ANK3: variants seen among roughly 807,000 people sequenced by gnomAD.
The protein encoded by ANK3 is ankyrin 3, also known as ankyrin-3.
A neutral mutation model predicts 370.9 loss-of-function variants in ANK3; 57 were observed. The observed-to-expected ratio is 0.15, with a 90% CI of 0.12 to 0.19. ANK3 has a LOEUF of 0.19. Ranked by LOEUF, ANK3 falls within the 10% of genes least tolerant of loss-of-function variation. ANK3 has a pLI of 1.00. For synonymous variants in ANK3, 1,929 were observed against 1,946.3 expected, an observed-to-expected ratio of 0.99 and a Z score of 0.23; for missense variants, 4,439 against 5,302.1, an observed-to-expected ratio of 0.84 and a Z score of 5.06.
intron 2 of ANK3, among the ~76,000 whole-genome samples, chr10:60,485,150 G>A (rs1007538094): frequency 5.3e-5 from 8 of 152,122 alleles, no homozygotes; most frequent in Non-Finnish European, 1.0e-4. Flanking sequence ...CTCAACACTC[G>A]AGTCGGTTTC....
chr10:60,192,189 G>T (rs1165087382), intron 16 of ANK3, among the ~76,000 whole-genome samples: 1 of 152,028 alleles, frequency 6.6e-6, no homozygotes, highest in African/African-American at 2.4e-5. Context: ...ACCGCACCCG[G>T]CCTATTTTAT....
intron 2 of ANK3, among the ~76,000 whole-genome samples, chr10:60,561,418 C>A (rs1420709749): frequency 6.6e-6 from 1 of 152,112 alleles, no homozygotes; most frequent in Admixed American, 6.5e-5. Flanking sequence ...TGGTTTCCTG[C>A]AAGAAGTTTT....
At chr10:60,319,007 G>A (rs2048056937) in intron 1 of ANK3, among the ~76,000 whole-genome samples, 1 of 152,164 alleles carries the variant, frequency 6.6e-6, no homozygotes, top group African/African-American at 2.4e-5. Context: ...CTAATCAGCA[G>A]CGCCTTGCAG....
chr10:60,073,341 T>C lies in ANK3; in HGVS notation c.7540A>G (p.Ile2514Val), dbSNP rs772233864. The change falls in exon 37 of 44, where the codon ATT becomes GTT. Residue 2514 changes from isoleucine to valine, a missense_variant. Transcript: ENST00000280772. ...ACATCTTTATAGATTTTGGAGAGAA[T>C]TTCTTTTTTGGGGGCAGTGGCTATT... is the stretch of plus-strand genomic sequence containing the variant. ...EKIATAPKKE[I>V]LSKIYKDVSE... The C allele has an allele frequency of 9.3e-6, 15 of 1,613,870 alleles. No individual in the cohort carries two copies. The highest frequency in any genetic ancestry group is 1.3e-5 in the Non-Finnish European group (15 of 1,180,010).
intron 1 of ANK3, among the ~76,000 whole-genome samples, chr10:60,715,741 T>C (rs923796754): frequency 1.3e-5 from 2 of 152,250 alleles, no homozygotes; most frequent in Admixed American, 6.5e-5. Flanking sequence ...TTTGCAACTC[T>C]ATTCTACCAT....
At chr10:60,139,787 T>C (rs2094489338) in intron 23 of ANK3, 1 of 153,552 alleles carries the variant, frequency 6.5e-6, no homozygotes. Flanking sequence ...TCTTTAATTA[T>C]CAAGACAAAG....
intron 2 of ANK3, among the ~76,000 whole-genome samples, chr10:60,507,167 C>A (rs2075962067): frequency 1.3e-5 from 2 of 151,972 alleles, no homozygotes; most frequent in Admixed American, 1.3e-4. Flanking sequence ...TATTATGTAT[C>A]AATTTTTCTA....
At chr10:60,405,332 A>G (rs188807958) in intron 2 of ANK3, among the ~76,000 whole-genome samples, 263 of 152,316 alleles carry the variant, frequency 1.7e-3, no homozygotes, top group Non-Finnish European at 1.6e-3. Context: ...AATCTTAAAG[A>G]AGGAAAAAAC....
intron 2 of ANK3, among the ~76,000 whole-genome samples, chr10:60,534,238 G>A (rs2076672518): frequency 2.0e-5 from 3 of 152,230 alleles, no homozygotes; most frequent in South Asian, 4.1e-4. Flanking sequence ...AAATAATATA[G>A]GACAGTCAGA....
chr10:60,372,190 C>T (rs530304367), intron 1 of ANK3, among the ~76,000 whole-genome samples: 6 of 152,246 alleles, frequency 3.9e-5, no homozygotes, highest in African/African-American at 1.4e-4. Flanking sequence ...TTATGTGAAA[C>T]AGAAACAAAG....
chr10:60,086,258 C>G (rs575100534), intron 30 of ANK3, among the ~76,000 whole-genome samples: 1 of 152,216 alleles, frequency 6.6e-6, no homozygotes, highest in East Asian at 1.9e-4. Context: ...TACTAGTGCT[C>G]TGTGGGACAT....
At chr10:60,552,906 G>A (rs1349531764) in intron 2 of ANK3, among the ~76,000 whole-genome samples, 1 of 152,144 alleles carries the variant, frequency 6.6e-6, no homozygotes, top group East Asian at 1.9e-4. Flanking sequence ...TTTAAAAATG[G>A]GAGTTTCTCT....
chr10:60,370,340 T>C (rs989530538), intron 1 of ANK3, among the ~76,000 whole-genome samples: 1 of 152,218 alleles, frequency 6.6e-6, no homozygotes, highest in Non-Finnish European at 1.5e-5. Flanking sequence ...TATTACAGCA[T>C]GTGAAAAAGA....
chr10:60,633,690 TA>T (rs2078514694), intron 1 of ANK3, among the ~76,000 whole-genome samples: 1 of 152,118 alleles, frequency 6.6e-6, no homozygotes, highest in Admixed American at 6.5e-5. Flanking sequence ...TGGGTAAGGG[TA>T]TTCCACCTCT....
At chr10:60,477,038 A>T (rs1426830585) in intron 2 of ANK3, among the ~76,000 whole-genome samples, 1 of 152,140 alleles carries the variant, frequency 6.6e-6, no homozygotes, top group East Asian at 1.9e-4. Context: ...CCACCAAAAA[A>T]GGTCACTTCT....
chr10:60,570,965 G>A (rs1337587714), intron 2 of ANK3, among the ~76,000 whole-genome samples: 2 of 151,892 alleles, frequency 1.3e-5, no homozygotes, highest in East Asian at 1.9e-4. Context: ...TGTCTGTCTC[G>A]GCTCTCTATG....
intron 1 of ANK3, among the ~76,000 whole-genome samples, chr10:60,329,207 C>T (rs189674367): frequency 8.5e-5 from 13 of 152,220 alleles, no homozygotes; most frequent in South Asian, 8.3e-4. Flanking sequence ...GGAAGTATTC[C>T]GCTTGAAAAC....
chr10:60,191,773 CA>C (rs2096486949), intron 16 of ANK3, among the ~76,000 whole-genome samples: 1 of 152,128 alleles, frequency 6.6e-6, no homozygotes, highest in South Asian at 2.1e-4. Context: ...ATCATTATAT[CA>C]AAAAAGATAC....
chr10:60,180,626 C>T (rs10994245), intron 18 of ANK3, among the ~76,000 whole-genome samples: 29 of 119,274 alleles, frequency 2.4e-4, no homozygotes, highest in East Asian at 1.0e-3. Context: ...AAAAAAAAAA[C>T]ATGTTAGAGT....
Sources: gnomAD v4.1 joint callset for allele counts (sites outside exome capture counted in the v4.1 genomes callset) on GRCh38, gnomAD v4.1.1 for gene constraint, MANE v1.5 for transcripts, NCBI Gene and HGNC (gene_info 2026-07-23, HGNC 2026-07-21) for gene names.